NRXN3: variants seen among roughly 807,000 people sequenced by gnomAD.
NRXN3 encodes neurexin III.
In NRXN3, 32 loss-of-function variants were observed where a neutral mutation model predicts 137.6. The observed-to-expected ratio is 0.23, with a 90% CI of 0.18 to 0.31. The LOEUF (loss-of-function observed/expected upper bound fraction) is 0.31, where lower values mean the gene tolerates loss of function less well. Among genes scored for constraint, NRXN3 ranks in the 10% least tolerant of loss-of-function variants. NRXN3 has a pLI of 1.00. For missense variants in NRXN3, 1,574 were observed against 2,062.5 expected (o/e 0.76, Z 4.59); for synonymous variants, 798 against 784.5 (o/e 1.02, Z -0.29).
chr14:78,616,827 A>G (rs904328152), intron 4 of NRXN3, among the ~76,000 whole-genome samples: 2 of 152,254 alleles, frequency 1.3e-5, no homozygotes, highest in African/African-American at 4.8e-5. Context: ...GCAATCTGGC[A>G]TATAGTAAGG....
chr14:79,402,050 A>G (rs1261823566), intron 15 of NRXN3, among the ~76,000 whole-genome samples: 1 of 152,052 alleles, frequency 6.6e-6, no homozygotes, highest in Non-Finnish European at 1.5e-5. Context: ...CCAAGGAGCT[A>G]GGACTACAGG....
At chr14:78,524,890 C>A (rs1411927339) in intron 4 of NRXN3, among the ~76,000 whole-genome samples, 1 of 152,126 alleles carries the variant, frequency 6.6e-6, no homozygotes, top group African/African-American at 2.4e-5. Context: ...CAGAGGGAAG[C>A]CTGAATGTGA....
intron 4 of NRXN3, among the ~76,000 whole-genome samples, chr14:78,354,673 C>T (rs2084013849): frequency 6.6e-6 from 1 of 152,158 alleles, no homozygotes; most frequent in Non-Finnish European, 1.5e-5. Context: ...GCTTACATCA[C>T]CTTTTGGCAT....
At chr14:79,471,509 GA>G (rs1404374172) in intron 16 of NRXN3, among the ~76,000 whole-genome samples, 2 of 152,058 alleles carry the variant, frequency 1.3e-5, no homozygotes, top group African/African-American at 4.8e-5. Flanking sequence ...AATTTCTTTG[GA>G]AAAGCAGTAT....
intron 15 of NRXN3, among the ~76,000 whole-genome samples, chr14:79,286,621 G>A (rs1463688944): frequency 1.3e-5 from 2 of 150,750 alleles, no homozygotes; most frequent in Non-Finnish European, 3.0e-5. Context: ...TTTGGGGAAA[G>A]GGTATACCTT....
rs536433860 is a variant in NRXN3 at position 79,742,905 on chromosome 14, C to A, written c.4014+44968C>A. Among the ~76,000 whole-genome samples, 21 of 152,280 alleles carry A rather than the reference C, an allele frequency of 1.4e-4. No individual in the cohort carries two copies. The South Asian group carries it at 4.3e-3, about 32-fold the overall frequency. On this transcript the variant is annotated intron_variant, in intron 19 of 20. Coordinates refer to ENST00000335750, the MANE Select transcript of NRXN3 (RefSeq NM_001330195.2). ...TCACACATTTGATAGTTGATGGTTC[C>A]ATTTTTTAGATGAAAAAACTAAAGC... is the stretch of plus-strand genomic sequence containing the variant.
At chr14:79,267,004 T>A (rs2078545934) in intron 15 of NRXN3, among the ~76,000 whole-genome samples, 3 of 152,222 alleles carry the variant, frequency 2.0e-5, no homozygotes, top group African/African-American at 7.2e-5. Context: ...TTAACTATCA[T>A]ATATATAATT....
chr14:78,854,724 G>C (rs991277261), intron 10 of NRXN3, among the ~76,000 whole-genome samples: 66 of 152,070 alleles, frequency 4.3e-4, no homozygotes, highest in African/African-American at 1.5e-3. Context: ...TCCTTGCTTT[G>C]TCCTCAAAAT....
At chr14:79,102,164 G>A (rs2051448195) in intron 15 of NRXN3, among the ~76,000 whole-genome samples, 1 of 152,040 alleles carries the variant, frequency 6.6e-6, no homozygotes, top group African/African-American at 2.4e-5. Flanking sequence ...GTTTGTTATG[G>A]CAAACCCTAG....
chr14:79,297,636 A>T (rs1218593561), intron 15 of NRXN3, among the ~76,000 whole-genome samples: 1 of 152,130 alleles, frequency 6.6e-6, no homozygotes, highest in East Asian at 1.9e-4. Flanking sequence ...CTGAATTTGG[A>T]AGGACTCATT....
At chr14:78,811,278 C>G (rs1409422672) in intron 10 of NRXN3, among the ~76,000 whole-genome samples, 1 of 152,168 alleles carries the variant, frequency 6.6e-6, no homozygotes, top group East Asian at 1.9e-4. Flanking sequence ...CCAGACAGCT[C>G]TCTTCAAAGA....
chr14:79,005,773 G>T (rs1025006545), intron 15 of NRXN3, among the ~76,000 whole-genome samples: 2 of 150,750 alleles, frequency 1.3e-5, no homozygotes, highest in African/African-American at 5.0e-5. Context: ...GTTTACCTGT[G>T]TGTGACTTTT....
At chr14:78,711,321 G>T (rs1432102868) in intron 7 of NRXN3, among the ~76,000 whole-genome samples, 1 of 151,714 alleles carries the variant, frequency 6.6e-6, no homozygotes, top group East Asian at 1.9e-4. Context: ...GAACAAAGGG[G>T]AACAGTTTTT....
intron 15 of NRXN3, among the ~76,000 whole-genome samples, chr14:79,228,575 T>C (rs2071513571): frequency 1.3e-5 from 2 of 152,122 alleles, no homozygotes; most frequent in African/African-American, 4.8e-5. Context: ...AGGCAATTGG[T>C]AGGTAAAGAT....
At chr14:79,165,348 A>G (rs780274902) in intron 15 of NRXN3, among the ~76,000 whole-genome samples, 2 of 152,004 alleles carry the variant, frequency 1.3e-5, no homozygotes, top group Admixed American at 1.3e-4. Flanking sequence ...ATGAGAAGGA[A>G]TCTTTTATTT....
Position 79,683,652 on chromosome 14 carries a change from T to A in NRXN3, c.3617-8521T>A, listed in dbSNP as rs113051714. On this transcript the variant is annotated intron_variant, in intron 17 of 20. Transcript: ENST00000335750. The stretch of plus-strand genomic sequence containing the variant: ...TTGAGTGATTCTGGCTTAAGGTGTC[T>A]GATGAGTTGCAGTTGGTATGAACTA... Among the ~76,000 whole-genome samples, 1,001 of 152,318 alleles carry A rather than the reference T, an allele frequency of 6.6e-3. 12 individuals are homozygous for A. Among genetic ancestry groups the A allele is most frequent in the African/African-American group, 0.022 (933 of 41,582 alleles).
At chr14:78,626,374 G>A (rs986438587) in intron 4 of NRXN3, among the ~76,000 whole-genome samples, 1 of 152,190 alleles carries the variant, frequency 6.6e-6, no homozygotes, top group Non-Finnish European at 1.5e-5. Flanking sequence ...TCACAGATCT[G>A]TAGAAAACAA....
At chr14:79,476,311 A>ATAAC (rs1473953293) in intron 16 of NRXN3, among the ~76,000 whole-genome samples, 1 of 152,066 alleles carries the variant, frequency 6.6e-6, no homozygotes, top group Non-Finnish European at 1.5e-5. Context: ...AGGGAACTGT[A>ATAAC]TAACTACATT....
intron 2 of NRXN3, among the ~76,000 whole-genome samples, chr14:78,252,766 C>G (rs1319237024): frequency 2.0e-5 from 3 of 152,168 alleles, no homozygotes; most frequent in African/African-American, 7.2e-5. Context: ...GCCTGCAGCT[C>G]TTGGAGAATA....
Sources: allele counts gnomAD v4.1 joint callset (sites outside exome capture counted in the v4.1 genomes callset), GRCh38; gene constraint gnomAD v4.1.1; transcripts MANE v1.5; gene names NCBI Gene and HGNC (gene_info 2026-07-23, HGNC 2026-07-21).